Variants in ITCH observed in about 807,000 individuals in gnomAD.
ITCH encodes E3 ubiquitin-protein ligase Itchy homolog.
In ITCH, 28 loss-of-function variants were observed where a neutral mutation model predicts 126.8. The observed-to-expected ratio is 0.22, with a 90% CI of 0.16 to 0.30. The LOEUF is 0.30. ITCH is among the 10% of genes least tolerant of loss of function. The pLI is 1.00. For synonymous variants in ITCH, 342 were observed against 340.0 expected (o/e 1.01, Z -0.06); for missense variants, 631 against 1,032.4 (o/e 0.61, Z 5.33).
At chr20:34,369,018 G>C (rs1432644223) in intron 1 of ITCH, among the ~76,000 whole-genome samples, 1 of 152,156 alleles carries the variant, frequency 6.6e-6, no homozygotes, top group Non-Finnish European at 1.5e-5. Context: ...CAAGGTCGTT[G>C]CAGATCTGAT....
At chr20:34,399,594 A>G (rs1287852108) in intron 3 of ITCH, among the ~76,000 whole-genome samples, 1 of 152,020 alleles carries the variant, frequency 6.6e-6, no homozygotes, top group Admixed American at 6.6e-5. Flanking sequence ...TAATCCCAGC[A>G]CTTTGGGAGG....
At chr20:34,438,325 G>T (rs1293627542) in intron 7 of ITCH, 149 bp from the exon 8 acceptor site, 4 of 746,262 alleles carry the variant, frequency 5.4e-6, no homozygotes, top group Non-Finnish European at 8.8e-6. Context: ...GGCTCTTTAT[G>T]TATTTAATAA....
chr20:34,453,540 T>TGCGCTGTGATTGTATCACTGCACTCCA, intron 12 of ITCH, among the ~76,000 whole-genome samples: 1 of 152,148 alleles, frequency 6.6e-6, no homozygotes, highest in East Asian at 1.9e-4. Context: ...AAGGCTATAG[T>TGCGCTGTGATTGTATCACTGCACTCCA]GCGCTGTGAT....
intron 14 of ITCH, among the ~76,000 whole-genome samples, chr20:34,463,659 TGTC>T (rs1448101435): frequency 2.0e-5 from 3 of 152,010 alleles, no homozygotes; most frequent in East Asian, 1.9e-4. Flanking sequence ...TCATCCTTAA[TGTC>T]GTATTTCATT....
At chr20:34,507,263 G>GTTTTTTTTTTTTTTTTTTTTTTTTTTTGT (rs776161631) in intron 24 of ITCH, among the ~76,000 whole-genome samples, 1 of 39,160 alleles carries the variant, frequency 2.6e-5, no homozygotes, top group Non-Finnish European at 4.8e-5. Context: ...GTTTTCTTCT[G>GTTTTTTTTTTTTTTTTTTTTTTTTTTTGT]TTTTTTTTTT....
intron 12 of ITCH, 125 bp downstream of exon 12, chr20:34,449,605 T>G (rs1300175072): frequency 9.0e-6 from 6 of 667,470 alleles, no homozygotes; most frequent in East Asian, 2.8e-5. Context: ...GTCTGGGAAG[T>G]TTTTTTTTAA....
intron 2 of ITCH, among the ~76,000 whole-genome samples, chr20:34,376,265 A>C (rs1238516970): frequency 6.6e-6 from 1 of 151,380 alleles, no homozygotes; most frequent in African/African-American, 2.4e-5. Context: ...CTGTCTCTAC[A>C]AAAAAGCCTC....
intron 2 of ITCH, among the ~76,000 whole-genome samples, chr20:34,390,231 TGTCA>T (rs774670849): frequency 6.6e-6 from 1 of 152,172 alleles, no homozygotes; most frequent in African/African-American, 2.4e-5. Context: ...GCAGATACTC[TGTCA>T]GTCTTTAAAA....
chr20:34,479,801 T>G lies in ITCH; in HGVS notation c.1818+12T>G. 6.2e-7 allele frequency: 1 copy of G among 1,611,020 alleles called. No individual in the cohort carries two copies. Among genetic ancestry groups the G allele is most frequent in the South Asian group, 1.1e-5 (1 of 91,042 alleles). On this transcript the variant is annotated intron_variant, in intron 18 of 24. Transcript: ENST00000374864. ...GATTTATTGCCATGGTAAGTGCAGG[T>G]CAAGAATTATGTTTACTTTGCTTAT...
At chr20:34,391,538 T>C (rs1051876106) in intron 2 of ITCH, among the ~76,000 whole-genome samples, 2 of 152,228 alleles carry the variant, frequency 1.3e-5, no homozygotes, top group African/African-American at 4.8e-5. Flanking sequence ...TTCTGTGGTA[T>C]GAATATGTGA....
At chr20:34,489,705 A>G in intron 21 of ITCH, 117 bp from the exon 22 acceptor site, 1 of 788,890 alleles carries the variant, frequency 1.3e-6, no homozygotes, top group Non-Finnish European at 2.3e-6. Context: ...TGTATAGTTG[A>G]TAAGTCAAAG....
chr20:34,377,696 T>C (rs1050052749), intron 2 of ITCH, among the ~76,000 whole-genome samples: 5 of 151,944 alleles, frequency 3.3e-5, no homozygotes, highest in Non-Finnish European at 7.4e-5. Flanking sequence ...AAACCCTGTC[T>C]CTACGAAAAA....
At chr20:34,412,724 A>G in intron 5 of ITCH, 85 bp downstream of exon 5, 2 of 1,115,962 alleles carry the variant, frequency 1.8e-6, no homozygotes, top group South Asian at 1.3e-5. Context: ...ATAATGACTC[A>G]TGTTCTCTCA....
At chr20:34,477,202 C>T (rs905914360) in intron 16 of ITCH, among the ~76,000 whole-genome samples, 2 of 152,160 alleles carry the variant, frequency 1.3e-5, no homozygotes, top group Non-Finnish European at 2.9e-5. Context: ...GTAATTGATA[C>T]AGGCAACATT....
At chr20:34,503,550 A>G (rs1244014440) in intron 23 of ITCH, among the ~76,000 whole-genome samples, 1 of 152,180 alleles carries the variant, frequency 6.6e-6, no homozygotes, top group African/African-American at 2.4e-5. Context: ...ACATTTCACA[A>G]AGTTTTATTA....
At chr20:34,417,138 C>G (rs1236882947) in intron 6 of ITCH, 1 of 682,576 alleles carries the variant, frequency 1.5e-6, no homozygotes, top group South Asian at 1.5e-5. Context: ...CTCTGTTTGC[C>G]CAGGCTGGAG....
chr20:34,482,030 CA>C (rs1448832229), intron 20 of ITCH, among the ~76,000 whole-genome samples: 8 of 152,186 alleles, frequency 5.3e-5, no homozygotes, highest in African/African-American at 1.9e-4. Context: ...AACGAATGAA[CA>C]AAACACTTCA....
At chr20:34,424,423 A>G (rs958833362) in intron 6 of ITCH, 57 bp from the exon 7 acceptor site, 3 of 1,383,224 alleles carry the variant, frequency 2.2e-6, no homozygotes, top group Non-Finnish European at 3.1e-6. Context: ...TAGAAAAGAA[A>G]AAACATGAAA....
At chr20:34,486,990 T>C (rs1989168436) in intron 20 of ITCH, among the ~76,000 whole-genome samples, 1 of 150,246 alleles carries the variant, frequency 6.7e-6, no homozygotes, top group Admixed American at 6.7e-5. Context: ...CCACTCTCAT[T>C]GTATTTAAAA....
Sources: allele counts gnomAD v4.1 joint callset (sites outside exome capture counted in the v4.1 genomes callset), GRCh38; gene constraint gnomAD v4.1.1; transcripts MANE v1.5; gene names NCBI Gene and HGNC (gene_info 2026-07-23, HGNC 2026-07-21).